TTC23L: variants seen among roughly 807,000 people sequenced by gnomAD.
TTC23L encodes the protein tetratricopeptide repeat protein 23-like.
A neutral mutation model predicts 48.1 loss-of-function variants in TTC23L; 42 were observed. The observed-to-expected ratio is 0.87, with a 90% CI of 0.68 to 1.13. The LOEUF (loss-of-function observed/expected upper bound fraction) is 1.13. TTC23L is among the 50% of genes most tolerant of loss of function. TTC23L has a pLI of 0.00. For synonymous variants in TTC23L, 159 were observed against 157.2 expected (o/e 1.01, Z -0.09); for missense variants, 391 against 421.0 (o/e 0.93, Z 0.62).
chr5:34,863,064 C>T lies in TTC23L; in HGVS notation c.536+10C>T, dbSNP rs1239225755. 1 of 1,613,804 alleles carries T rather than the reference C, an allele frequency of 6.2e-7. No individual in the cohort carries two copies. The highest frequency in any genetic ancestry group is 1.7e-5 in the Admixed American group (1 of 60,012). On this transcript the variant is annotated intron_variant, in intron 5 of 10. Coordinates refer to ENST00000505624, the Ensembl canonical transcript of TTC23L. The surrounding 1 kb of genome is among the most constrained non-coding windows in gnomAD (Gnocchi z 4.1). ...GGCTCCTGCAGAACCGATATCCTTC[C>T]ATTCCTAGCTGCGTTTAGTGTTCGG...
chr5:34,858,983 C>T (rs1431893118), intron 4 of TTC23L, among the ~76,000 whole-genome samples: 1 of 152,190 alleles, frequency 6.6e-6, no homozygotes, highest in Non-Finnish European at 1.5e-5. Context: ...AAGTATTCCT[C>T]CTGGGAATTG....
intron 8 of TTC23L, among the ~76,000 whole-genome samples, chr5:34,876,315 A>G (rs1454405920): frequency 2.6e-5 from 4 of 152,170 alleles, no homozygotes; most frequent in African/African-American, 4.8e-5. Flanking sequence ...GAAGAAAACA[A>G]AACCAAAAGC....
chr5:34,854,194 G>A (rs1192812777), intron 4 of TTC23L, among the ~76,000 whole-genome samples: 1 of 152,206 alleles, frequency 6.6e-6, no homozygotes, highest in African/African-American at 2.4e-5. Context: ...CTACGTTGGG[G>A]CAATAAGTTG....
At chr5:34,868,477 C>T (rs1761220457) in intron 7 of TTC23L, 1 of 161,606 alleles carries the variant, frequency 6.2e-6, no homozygotes, top group African/African-American at 2.4e-5. Context: ...AACCACTTTA[C>T]ATATATTAAC....
In TTC23L at chr5:34,867,607, T is replaced by C. The variant is rs190031055; in HGVS notation, c.840+538T>C. ...AACATAGGAAGGAATGGTGAGTCTA[T>C]TATATTAGGGTACTTTTATGTATCA... On this transcript the variant is annotated intron_variant, in intron 7 of 10. Coordinates refer to ENST00000505624, the Ensembl canonical transcript of TTC23L. 6 of 160,280 alleles carry C rather than the reference T, an allele frequency of 3.7e-5. No individual in the cohort carries two copies. The East Asian group carries it at 9.2e-4, about 25-fold the overall frequency. The allele number at this position is 160,280 out of a possible 1,614,324, so 9.9% of individuals were successfully genotyped here. A position where few individuals can be genotyped will look rare whatever the true frequency, so the allele number is the denominator to read the frequency against.
the TTC23L span, chr5:34,915,454 GCA>G: frequency 5.7e-6 from 2 of 353,440 alleles, no homozygotes; most frequent in African/African-American, 4.2e-5. Flanking sequence ...GCCCTTCTCA[GCA>G]AAGTCCCTGA....
the TTC23L span, among the ~76,000 whole-genome samples, chr5:34,917,381 C>A: frequency 1.3e-5 from 2 of 152,138 alleles, no homozygotes; most frequent in African/African-American, 4.8e-5. Flanking sequence ...CGCCTGTAAT[C>A]CCAGCACTTT....
At chr5:34,876,152 T>C (rs1430245585) in intron 8 of TTC23L, among the ~76,000 whole-genome samples, 2 of 152,138 alleles carry the variant, frequency 1.3e-5, no homozygotes, top group African/African-American at 4.8e-5. Flanking sequence ...TAGAGGGATA[T>C]TTATAGCATA....
rs1215382931 is a variant in TTC23L at position 34,863,703 on chromosome 5, GA to G, written c.536+650del. Among the ~76,000 whole-genome samples, 2 of 152,208 alleles carry G rather than the reference GA, an allele frequency of 1.3e-5. No homozygotes were observed. Among genetic ancestry groups the G allele is most frequent in the Admixed American group, 1.3e-4 (2 of 15,278 alleles). On this transcript the variant is annotated intron_variant, in intron 5 of 10. Coordinates refer to ENST00000505624, the Ensembl canonical transcript of TTC23L. The surrounding 1 kb of genome is among the most constrained non-coding windows in gnomAD (Gnocchi z 4.1). The stretch of plus-strand genomic sequence containing the variant: ...AAACAAGTAGTTCTATAAATCCCCA[GA>G]GGGGTACTGTTATATGTGCCTTTCC...
chr5:34,860,269 C>G (rs942319607), intron 4 of TTC23L, among the ~76,000 whole-genome samples: 1 of 152,190 alleles, frequency 6.6e-6, no homozygotes, highest in African/African-American at 2.4e-5. Flanking sequence ...CTTGCTTGTT[C>G]TGTCTTCAAG....
At chr5:34,870,437 A>G (rs1415604606) in intron 8 of TTC23L, among the ~76,000 whole-genome samples, 2 of 152,238 alleles carry the variant, frequency 1.3e-5, no homozygotes, top group African/African-American at 2.4e-5. Context: ...GAATAGACCC[A>G]TAACTATTTC....
At chr5:34,844,199 A>G (rs981619944) in intron 2 of TTC23L, among the ~76,000 whole-genome samples, 1 of 152,128 alleles carries the variant, frequency 6.6e-6, no homozygotes. Context: ...TGTCCCATCA[A>G]ATTAGCTTGT....
intron 8 of TTC23L, among the ~76,000 whole-genome samples, chr5:34,872,785 G>A (rs765003594): frequency 5.9e-5 from 9 of 152,322 alleles, no homozygotes; most frequent in Admixed American, 4.6e-4. Flanking sequence ...GACTTGGGCT[G>A]GGCGGAGTGG....
intron 4 of TTC23L, among the ~76,000 whole-genome samples, chr5:34,859,387 T>C (rs1296938348): frequency 6.6e-6 from 1 of 152,206 alleles, no homozygotes; most frequent in Non-Finnish European, 1.5e-5. Flanking sequence ...CCTCCAGACC[T>C]GTGAAGACTC....
chr5:34,866,080 C>T (rs1377399170), intron 6 of TTC23L, among the ~76,000 whole-genome samples: 2 of 152,110 alleles, frequency 1.3e-5, no homozygotes, highest in Non-Finnish European at 1.5e-5. Flanking sequence ...CTCATTTTAC[C>T]TTGCTGTCTC....
chr5:34,868,966 C>T (rs752667177), exon 8 of TTC23L: 8 of 1,610,972 alleles, frequency 5.0e-6, no homozygotes, highest in Non-Finnish European at 6.8e-6. Flanking sequence ...GAAATGAGTG[C>T]GTTACTGGCC....
intron 4 of TTC23L, among the ~76,000 whole-genome samples, chr5:34,855,454 A>G (rs951364200): frequency 2.6e-5 from 4 of 152,232 alleles, no homozygotes; most frequent in Admixed American, 2.6e-4. Context: ...TAGGTCTAAA[A>G]CTAGGCTGCC....
chr5:34,924,728 C>A, the TTC23L span: 1 of 596,658 alleles, frequency 1.7e-6, no homozygotes, highest in Non-Finnish European at 2.9e-6. Flanking sequence ...AGTTTCACCC[C>A]CACCTTGATT....
intron 9 of TTC23L, among the ~76,000 whole-genome samples, chr5:34,886,377 A>C (rs1036772633): frequency 6.7e-4 from 102 of 151,708 alleles, no homozygotes; most frequent in Admixed American, 1.3e-3. Flanking sequence ...AAAAAAAAAA[A>C]AAAAAACGTT....
Sources: allele counts gnomAD v4.1 joint callset (sites outside exome capture counted in the v4.1 genomes callset), GRCh38; gene constraint gnomAD v4.1.1; non-coding constraint Gnocchi (gnomAD v3.1); transcripts MANE v1.5; gene names NCBI Gene and HGNC (gene_info 2026-07-23, HGNC 2026-07-21).